Variants in MED12L observed in about 807,000 individuals in gnomAD.
MED12L encodes mediator of RNA polymerase II transcription subunit 12-like protein.
A neutral mutation model predicts 281.3 loss-of-function variants in MED12L; 60 were observed. The ratio of observed to expected loss-of-function variants is 0.21; its 90% CI spans 0.17 to 0.26. The LOEUF (loss-of-function observed/expected upper bound fraction) is 0.26, where lower values mean the gene tolerates loss of function less well. MED12L is among the 10% of genes least tolerant of loss of function. The pLI, the probability that MED12L is intolerant of heterozygous loss-of-function variation, is 1.00. For synonymous variants in MED12L, 974 were observed against 987.2 expected, an observed-to-expected ratio of 0.99 and a Z score of 0.25; for missense variants, 2,146 against 2,680.9, an observed-to-expected ratio of 0.80 and a Z score of 4.41.
Position 151,325,437 on chromosome 3 carries a change from T to C in MED12L, c.2251-24622T>C, listed in dbSNP as rs1293903646. Among the ~76,000 whole-genome samples the C allele has an allele frequency of 3.3e-5, 5 of 152,236 alleles. No homozygotes were observed. In the East Asian group the frequency reaches 7.7e-4, roughly 23 times the overall value. On this transcript the variant is annotated intron_variant, in intron 16 of 44. Transcript: ENST00000687756. ...AGCTATTATTTTCTTTTATTCTTTT[T>C]GGTGTATCATTTATGACTATATTGT...
At chr3:151,203,717 G>A (rs1725983075) in intron 16 of MED12L, among the ~76,000 whole-genome samples, 1 of 151,896 alleles carries the variant, frequency 6.6e-6, no homozygotes, top group Non-Finnish European at 1.5e-5. Flanking sequence ...TCTGGAAATA[G>A]AAATAAAAAA....
chr3:151,234,993 C>T lies in MED12L; in HGVS notation c.2250+41327C>T, dbSNP rs1376933210. ...CTAACCACGTCATGGACGTGGTTAA[C>T]TTGTAGAAAAAGCTCAGGCGTGTTT... On this transcript the variant is annotated intron_variant, in intron 16 of 44. Transcript: ENST00000687756. 2.0e-5 allele frequency among the ~76,000 whole-genome samples: 3 copies of T among 152,190 alleles called. No homozygotes were observed. In the East Asian group the frequency reaches 5.8e-4, roughly 29 times the overall value.
intron 11 of MED12L, among the ~76,000 whole-genome samples, chr3:151,183,786 G>A (rs545926417): frequency 1.3e-5 from 2 of 152,218 alleles, no homozygotes; most frequent in African/African-American, 4.8e-5. Context: ...CCTGTTTCTT[G>A]TAGCACATTT....
In MED12L at chr3:151,164,014, C is replaced by T. The variant is rs1173563815; in HGVS notation, c.1229C>T (p.Pro410Leu). The change falls in exon 9 of 45, where the codon CCG becomes CTG. Residue 410 changes from proline (P) to leucine (L), a missense_variant. Pro to Leu is a moderately conservative substitution (Grantham distance 98). This residue lies in a region of MED12L where 722 missense variants were observed against 861.2 expected (regional missense o/e 0.84). Transcript: ENST00000687756. The part of the protein sequence containing the change: ...LQVAPSSLPM[P>L]GGNTAFNQQV... Reference sequence around the variant, plus strand: ...GTGGCCCCGTCCAGCCTCCCCATGCCGGGTGGGAACACGGCTTTCAATCAG... The same window carrying T: ...GTGGCCCCGTCCAGCCTCCCCATGCTGGGTGGGAACACGGCTTTCAATCAG... 1.9e-6 allele frequency: 3 copies of T among 1,613,490 alleles called. No individual in the cohort carries two copies. The highest frequency in any genetic ancestry group is 2.5e-6 in the Non-Finnish European group (3 of 1,179,664).
At chr3:151,264,226 G>A (rs1739425380) in intron 16 of MED12L, among the ~76,000 whole-genome samples, 1 of 152,208 alleles carries the variant, frequency 6.6e-6, no homozygotes, top group African/African-American at 2.4e-5. Context: ...GTGTTTTGAG[G>A]TTGGTCTTCA....
intron 44 of MED12L, among the ~76,000 whole-genome samples, chr3:151,431,898 A>G (rs983586756): frequency 7.2e-5 from 11 of 152,218 alleles, no homozygotes; most frequent in East Asian, 3.8e-4. Context: ...TGAGGAAGCA[A>G]CTGAAGAACG....
chr3:151,418,378 C>G (rs934213244), intron 43 of MED12L, among the ~76,000 whole-genome samples: 5 of 152,078 alleles, frequency 3.3e-5, no homozygotes, highest in South Asian at 2.1e-4. Context: ...TTTTCTTTTT[C>G]CCCTGGTTCA....
chr3:151,258,470 A>G (rs1738242820), intron 16 of MED12L, among the ~76,000 whole-genome samples: 1 of 152,216 alleles, frequency 6.6e-6, no homozygotes, highest in African/African-American at 2.4e-5. Context: ...CCTGGGTTAA[A>G]TTCCAGGGTA....
At chr3:151,349,932 G>A in intron 16 of MED12L, 127 bp from the exon 17 acceptor site, 2 of 681,154 alleles carry the variant, frequency 2.9e-6, no homozygotes, top group Non-Finnish European at 2.3e-6. Flanking sequence ...GAGGTGAATT[G>A]AAGGGAGGGC....
chr3:151,414,072 A>C (rs1717275175), intron 42 of MED12L, among the ~76,000 whole-genome samples: 1 of 151,948 alleles, frequency 6.6e-6, no homozygotes, highest in Non-Finnish European at 1.5e-5. Flanking sequence ...GGCTGGTCTC[A>C]AACTCCTGAC....
At chr3:151,331,633 G>T (rs1257457738) in intron 16 of MED12L, among the ~76,000 whole-genome samples, 1 of 152,162 alleles carries the variant, frequency 6.6e-6, no homozygotes, top group Admixed American at 6.5e-5. Flanking sequence ...AAGAATCAAA[G>T]AAGATACAGT....
chr3:151,368,297 A>G (rs1755535818), intron 25 of MED12L, 46 bp downstream of exon 25: 2 of 1,527,864 alleles, frequency 1.3e-6, no homozygotes, highest in Non-Finnish European at 9.1e-7. Context: ...ATTGGTAGCT[A>G]AAGTTTCTAA....
chr3:151,222,541 A>G (rs1920393), intron 16 of MED12L, among the ~76,000 whole-genome samples: 22,569 of 152,174 alleles, frequency 0.15, 1,802 homozygotes, highest in Middle Eastern at 0.18. Context: ...TGATGGTTTT[A>G]AAAATGGGAG....
At chr3:151,331,060 T>C (rs1750296918) in intron 16 of MED12L, among the ~76,000 whole-genome samples, 1 of 152,216 alleles carries the variant, frequency 6.6e-6, no homozygotes, top group Admixed American at 6.5e-5. Context: ...AAATCACTTC[T>C]TGGTCAAATT....
At chr3:151,346,262 TC>T (rs1173832376) in intron 16 of MED12L, among the ~76,000 whole-genome samples, 1 of 152,228 alleles carries the variant, frequency 6.6e-6, no homozygotes, top group African/African-American at 2.4e-5. Flanking sequence ...GTCTCTTATA[TC>T]CTTTATCATC....
Position 151,256,157 on chromosome 3 carries a change from A to C in MED12L, c.2250+62491A>C, listed in dbSNP as rs182773998. ...ATTTGAGTAGGTCTTTGACCCAGCC[A>C]CTGTGGTTATAGGAAGGCTCTTTTA... On this transcript the variant is annotated intron_variant, in intron 16 of 44. Coordinates refer to ENST00000687756, the MANE Select transcript of MED12L (RefSeq NM_001393769.1). Among the ~76,000 whole-genome samples the C allele has an allele frequency of 3.3e-5, 5 of 152,354 alleles. No individual in the cohort carries two copies. The East Asian group carries it at 5.8e-4, about 18-fold the overall frequency.
intron 38 of MED12L, among the ~76,000 whole-genome samples, chr3:151,392,446 CAG>C (rs1714364891): frequency 8.1e-6 from 1 of 122,782 alleles, no homozygotes; most frequent in South Asian, 2.5e-4. Flanking sequence ...CCCTGGGTGA[CAG>C]AGCGAGACTC....
At chr3:151,379,663 A>C (rs1014808001) in intron 31 of MED12L, among the ~76,000 whole-genome samples, 1 of 152,204 alleles carries the variant, frequency 6.6e-6, no homozygotes. Context: ...AAACAAAATC[A>C]AACCCCAAAA....
In MED12L at chr3:151,435,725, A is replaced by G. The variant is rs1371804159; in HGVS notation, c.*2921A>G. On this transcript the variant is annotated 3_prime_UTR_variant, in exon 45 of 45. Transcript: ENST00000687756. ...AAGATCAATCATTTAATATTCCCCA[A>G]ATTAATTCAGGTTGAATTAAGCATG... The G allele has an allele frequency of 1.3e-5, 2 of 152,164 alleles. No individual in the cohort carries two copies. Among genetic ancestry groups the G allele is most frequent in the Non-Finnish European group, 2.9e-5 (2 of 68,018 alleles). The allele number at this position is 152,164 out of a possible 1,614,324, so 9.4% of individuals were successfully genotyped here. A position where few individuals can be genotyped will look rare whatever the true frequency, so the allele number is the denominator to read the frequency against.
Sources: gnomAD v4.1 joint callset for allele counts (sites outside exome capture counted in the v4.1 genomes callset) on GRCh38, gnomAD v4.1.1 for gene constraint, gnomAD v4.1.1 regional missense constraint, MANE v1.5 for transcripts, NCBI Gene and HGNC (gene_info 2026-07-23, HGNC 2026-07-21) for gene names.